MYO3B: variants seen among roughly 807,000 people sequenced by gnomAD.
MYO3B encodes the protein myosin-IIIb.
Under a neutral mutation model 174.6 loss-of-function variants are expected in MYO3B, and 156 were observed. The ratio of observed to expected loss-of-function variants is 0.89; its 90% CI spans 0.78 to 1.02. MYO3B has a LOEUF of 1.02. Among genes scored for constraint, MYO3B ranks in the 50% least tolerant of loss-of-function variants. The pLI, the probability that MYO3B is intolerant of heterozygous loss-of-function variation, is 0.00. For missense variants in MYO3B, 1,632 were observed against 1,639.4 expected (o/e 1.00, Z 0.08); for synonymous variants, 563 against 569.1 (o/e 0.99, Z 0.15).
At chr2:170,517,163 G>C (rs9967893) in intron 29 of MYO3B, among the ~76,000 whole-genome samples, 1 of 152,156 alleles carries the variant, frequency 6.6e-6, no homozygotes. Context: ...CAAAGCTGGG[G>C]GATGGAGGAG....
chr2:170,341,669 C>A (rs1292193231), intron 8 of MYO3B, among the ~76,000 whole-genome samples: 1 of 152,108 alleles, frequency 6.6e-6, no homozygotes, highest in East Asian at 1.9e-4. Context: ...TAACCCCCCC[C>A]AAATTATCCA....
rs753189296 is a variant in MYO3B, at chr2:170,387,209, GA to G, written c.1482del (p.Lys494AsnfsTer5). 6.2e-7 allele frequency: 1 copy of G among 1,614,162 alleles called. No individual in the cohort carries two copies. The highest frequency in any genetic ancestry group is 2.2e-5 in the East Asian group (1 of 44,888). On this transcript the variant is annotated frameshift_variant, in exon 14 of 35. Coordinates refer to ENST00000408978, the MANE Select transcript of MYO3B (RefSeq NM_138995.5). LOFTEE classifies it high-confidence loss of function. ...ATCAATGACAACTCGAGCCGTTTTG[GA>G]AAATATCTGGAAATGATGTTTACAC... is the stretch of plus-strand genomic sequence containing the variant. ...TAINDNSSRF[G>X]KYLEMMFTPT...
At position 170,498,710 on chromosome 2, in the gene MYO3B, C is replaced by T. The variant is rs780153893; in HGVS notation, c.3126+7C>T. The stretch of plus-strand genomic sequence containing the variant: ...GGTACTGGGAAAAACAAAGGTAGTT[C>T]GTTCTTTATTGTTCAAATTGTCCCG... On this transcript the variant is annotated splice_region_variant and intron_variant, in intron 26 of 34. Transcript: ENST00000408978. 141 of 1,538,588 alleles carry T rather than the reference C, an allele frequency of 9.2e-5. 5 individuals are homozygous for T. The South Asian group carries it at 1.4e-3, about 16-fold the overall frequency.
Position 170,649,096 on chromosome 2 carries a change from GTATATTA to G in MYO3B, c.3734-2526_3734-2520del, listed in dbSNP as rs1215750824. ...TATTATATATAAAATAATATATAAT[GTATATTA>G]TATATAAAATAATATATAATGTATA... On this transcript the variant is annotated intron_variant, in intron 32 of 34. Coordinates refer to ENST00000408978, the MANE Select transcript of MYO3B (RefSeq NM_138995.5). Among the ~76,000 whole-genome samples, 119 of 46,660 alleles carry G rather than the reference GTATATTA, an allele frequency of 2.6e-3. 3 individuals are homozygous for G. The highest frequency in any genetic ancestry group is 4.5e-3 in the Admixed American group (11 of 2,442). The allele number at this position is 46,660 out of a possible 152,430, so 30.6% of individuals were successfully genotyped here.
intron 32 of MYO3B, among the ~76,000 whole-genome samples, chr2:170,573,212 A>G (rs1010984209): frequency 1.0e-4 from 12 of 116,740 alleles, no homozygotes; most frequent in African/African-American, 4.1e-4. Flanking sequence ...TAATAAACAT[A>G]TATGTATACT....
chr2:170,588,505 A>C (rs909429193), intron 32 of MYO3B, among the ~76,000 whole-genome samples: 6 of 152,088 alleles, frequency 3.9e-5, no homozygotes, highest in African/African-American at 1.4e-4. Flanking sequence ...GGTTGACTCA[A>C]CTCCTCTTCC....
intron 23 of MYO3B, among the ~76,000 whole-genome samples, chr2:170,462,065 G>T (rs961637006): frequency 1.3e-5 from 2 of 152,154 alleles, no homozygotes; most frequent in African/African-American, 4.8e-5. Context: ...AGTATAACAC[G>T]CTCTGCAGGT....
At chr2:170,590,083 CTA>C (rs1693729447) in intron 32 of MYO3B, among the ~76,000 whole-genome samples, 1 of 152,110 alleles carries the variant, frequency 6.6e-6, no homozygotes. Flanking sequence ...TGTAAGTACT[CTA>C]TGAAGTTTAC....
intron 30 of MYO3B, among the ~76,000 whole-genome samples, chr2:170,528,351 G>A (rs1309017735): frequency 1.3e-5 from 2 of 152,222 alleles, no homozygotes; most frequent in East Asian, 1.9e-4. Flanking sequence ...ATGCATGTTT[G>A]ACTTGGGTTT....
At chr2:170,223,142 A>G (rs751454698) in intron 6 of MYO3B, among the ~76,000 whole-genome samples, 2 of 152,036 alleles carry the variant, frequency 1.3e-5, no homozygotes, top group Non-Finnish European at 2.9e-5. Flanking sequence ...TAAAATTATT[A>G]TTATCTCCTG....
chr2:170,554,202 T>C (rs1384602749), intron 32 of MYO3B, among the ~76,000 whole-genome samples: 1 of 152,220 alleles, frequency 6.6e-6, no homozygotes, highest in Non-Finnish European at 1.5e-5. Flanking sequence ...AACAGGGTGC[T>C]TTGGACATCA....
At chr2:170,524,432 A>G (rs28430520) in intron 30 of MYO3B, 1 of 405,010 alleles carries the variant, frequency 2.5e-6, no homozygotes, top group African/African-American at 2.1e-5. Context: ...AACAATAATA[A>G]CAACTGCTAG....
chr2:170,346,531 T>C (rs1480384051), intron 8 of MYO3B: 1 of 152,222 alleles, frequency 6.6e-6, no homozygotes, highest in Non-Finnish European at 1.5e-5. Flanking sequence ...TATGAAACCA[T>C]AAAACCATAC....
chr2:170,566,418 T>C lies in MYO3B; in HGVS notation c.3733+22430T>C, dbSNP rs563498764. Among the ~76,000 whole-genome samples, 10 of 152,324 alleles carry C rather than the reference T, an allele frequency of 6.6e-5. 1 individual carries two copies. In the South Asian group the frequency reaches 2.1e-3, roughly 32 times the overall value. On this transcript the variant is annotated intron_variant, in intron 32 of 34. Coordinates refer to ENST00000408978, the MANE Select transcript of MYO3B (RefSeq NM_138995.5). ...TTGAGTGTTTTTACCATGTGAACCATGTAGGCAATAATGTTAAAATAGTTT... is the reference window on the plus strand; with the variant it reads ...TTGAGTGTTTTTACCATGTGAACCACGTAGGCAATAATGTTAAAATAGTTT...
intron 8 of MYO3B, among the ~76,000 whole-genome samples, chr2:170,368,744 A>G (rs2094216757): frequency 1.3e-5 from 2 of 152,168 alleles, no homozygotes; most frequent in Admixed American, 6.5e-5. Context: ...CTTTATGATT[A>G]GTTTTTTTCC....
intron 32 of MYO3B, among the ~76,000 whole-genome samples, chr2:170,544,191 A>G (rs989746106): frequency 6.6e-6 from 1 of 152,260 alleles, no homozygotes; most frequent in African/African-American, 2.4e-5. Context: ...AAGACAATGA[A>G]TATCAAAGTC....
chr2:170,314,697 A>G (rs924892565), intron 7 of MYO3B, among the ~76,000 whole-genome samples: 2 of 152,204 alleles, frequency 1.3e-5, no homozygotes, highest in Non-Finnish European at 2.9e-5. Flanking sequence ...ATGTTTTGTG[A>G]TGGCTATGGG....
intron 7 of MYO3B, among the ~76,000 whole-genome samples, chr2:170,299,565 T>C (rs1266665908): frequency 6.6e-6 from 1 of 152,244 alleles, no homozygotes; most frequent in East Asian, 1.9e-4. Context: ...ACCTTTAATC[T>C]TTTCCAAAAG....
chr2:170,463,782 T>C (rs146481615), intron 24 of MYO3B, among the ~76,000 whole-genome samples: 1 of 152,320 alleles, frequency 6.6e-6, no homozygotes, highest in East Asian at 1.9e-4. Flanking sequence ...TAGCATTGAC[T>C]TTATTTTCCT....
Sources: gnomAD v4.1 joint callset for allele counts (sites outside exome capture counted in the v4.1 genomes callset) on GRCh38, gnomAD v4.1.1 for gene constraint, MANE v1.5 for transcripts, NCBI Gene and HGNC (gene_info 2026-07-23, HGNC 2026-07-21) for gene names.